TRIM44: variants seen among roughly 807,000 people sequenced by gnomAD.
TRIM44 encodes the protein tripartite motif-containing protein 44.
In TRIM44, 13 loss-of-function variants were observed where a neutral mutation model predicts 37.4. That is an observed-to-expected ratio of 0.35 (90% CI 0.23 to 0.55). TRIM44 has a LOEUF of 0.55. Among genes scored for constraint, TRIM44 ranks in the 20% least tolerant of loss-of-function variants. TRIM44 has a pLI of 0.89. For synonymous variants in TRIM44, 175 were observed against 157.2 expected (o/e 1.11, Z -0.85); for missense variants, 426 against 437.2 (o/e 0.97, Z 0.23).
intron 1 of TRIM44, among the ~76,000 whole-genome samples, chr11:35,673,229 T>A (rs1851419630): frequency 1.3e-5 from 2 of 152,176 alleles, no homozygotes; most frequent in African/African-American, 4.8e-5. Flanking sequence ...TTTGATAAGA[T>A]GTGTTATAGA....
chr11:35,751,879 G>A (rs1278780656), intron 4 of TRIM44, among the ~76,000 whole-genome samples: 1 of 152,162 alleles, frequency 6.6e-6, no homozygotes, highest in African/African-American at 2.4e-5. Context: ...AATCCTGAGA[G>A]GTGGTTTTGC....
At chr11:35,665,586 G>GTTTTTTTTT (rs35522287) in intron 1 of TRIM44, among the ~76,000 whole-genome samples, 2 of 71,512 alleles carry the variant, frequency 2.8e-5, no homozygotes, top group African/African-American at 5.7e-5. Context: ...TTATATATCT[G>GTTTTTTTTT]TTTTTTTTTT....
intron 4 of TRIM44, among the ~76,000 whole-genome samples, chr11:35,741,767 G>A (rs1852399730): frequency 6.6e-6 from 1 of 152,272 alleles, no homozygotes; most frequent in East Asian, 1.9e-4. Flanking sequence ...AACAAAGATT[G>A]CAGAGGAATT....
At chr11:35,719,805 A>G (rs374811452) in intron 2 of TRIM44, among the ~76,000 whole-genome samples, 32 of 152,280 alleles carry the variant, frequency 2.1e-4, no homozygotes, top group African/African-American at 6.5e-4. Context: ...GTTCACAACT[A>G]TCTTTTCTCT....
intron 4 of TRIM44, among the ~76,000 whole-genome samples, chr11:35,783,353 G>A (rs952218512): frequency 6.6e-6 from 1 of 152,104 alleles, no homozygotes; most frequent in Non-Finnish European, 1.5e-5. Flanking sequence ...CCTCACTGAT[G>A]TTGCCCAGAG....
rs546307936 is a variant in TRIM44 at position 35,729,255 on chromosome 11, C to T, written c.987+3092C>T. ...CACTGCTCCTCAACCCCAATTGGCA[C>T]GCAGCAGTGGAGCCAGTGAGTGAAA... is the stretch of plus-strand genomic sequence containing the variant. On this transcript the variant is annotated intron_variant, in intron 3 of 4. Coordinates refer to ENST00000299413, the MANE Select transcript of TRIM44 (RefSeq NM_017583.6). 5.3e-5 allele frequency among the ~76,000 whole-genome samples: 8 copies of T among 152,214 alleles called. No homozygotes were observed. In the East Asian group the frequency reaches 5.8e-4, roughly 11 times the overall value.
intron 1 of TRIM44, among the ~76,000 whole-genome samples, chr11:35,683,459 T>A (rs918797607): frequency 6.6e-6 from 1 of 152,174 alleles, no homozygotes; most frequent in South Asian, 2.1e-4. Context: ...ATTTATATAG[T>A]GGAATCTTAT....
intron 4 of TRIM44, among the ~76,000 whole-genome samples, chr11:35,765,564 A>G (rs777574821): frequency 3.3e-5 from 5 of 152,314 alleles, no homozygotes; most frequent in African/African-American, 4.8e-5. Flanking sequence ...ACTATGGTTA[A>G]GGGGAAAGTG....
At chr11:35,736,796 AC>A (rs765682145) in intron 4 of TRIM44, among the ~76,000 whole-genome samples, 11 of 152,182 alleles carry the variant, frequency 7.2e-5, no homozygotes, top group Non-Finnish European at 1.3e-4. Context: ...CCATCTTTCA[AC>A]CATTCTCAGG....
At chr11:35,789,609 T>C (rs1853176324) in intron 4 of TRIM44, among the ~76,000 whole-genome samples, 1 of 152,212 alleles carries the variant, frequency 6.6e-6, no homozygotes, top group Admixed American at 6.5e-5. Flanking sequence ...GCACTCCTGC[T>C]CCTCTTAGCC....
chr11:35,784,604 A>G (rs889325036), intron 4 of TRIM44, among the ~76,000 whole-genome samples: 7 of 152,234 alleles, frequency 4.6e-5, no homozygotes, highest in African/African-American at 1.7e-4. Context: ...GTGTGTATTT[A>G]TGTATGTATA....
rs138329609 is a variant in TRIM44 at position 35,795,168 on chromosome 11, G to A, written c.1008-11190G>A. On this transcript the variant is annotated intron_variant, in intron 4 of 4. Coordinates refer to ENST00000299413, the MANE Select transcript of TRIM44 (RefSeq NM_017583.6). ...AGAAAGCCAGCGTGGCTGGAAGGTG[G>A]CATGAATCAGGCTGGAAAGGGAGAG... Among the ~76,000 whole-genome samples, 78 of 152,228 alleles carry A rather than the reference G, an allele frequency of 5.1e-4. 1 individual carries two copies. The East Asian group carries it at 0.011, about 21-fold the overall frequency.
chr11:35,719,590 C>G (rs1478935416), intron 2 of TRIM44, among the ~76,000 whole-genome samples: 5 of 152,068 alleles, frequency 3.3e-5, no homozygotes, highest in Non-Finnish European at 7.4e-5. Flanking sequence ...TGGGTACTAA[C>G]ATTGATGTTA....
intron 4 of TRIM44, among the ~76,000 whole-genome samples, chr11:35,798,725 CATG>C (rs1853327100): frequency 6.6e-6 from 1 of 152,134 alleles, no homozygotes; most frequent in Non-Finnish European, 1.5e-5. Flanking sequence ...ACAAATCAAT[CATG>C]ATCATAATCT....
intron 4 of TRIM44, among the ~76,000 whole-genome samples, chr11:35,778,235 C>A (rs1235096021): frequency 6.6e-6 from 1 of 152,142 alleles, no homozygotes; most frequent in Non-Finnish European, 1.5e-5. Flanking sequence ...CCCTTTCTTC[C>A]ACTTGATCAA....
intron 2 of TRIM44, among the ~76,000 whole-genome samples, chr11:35,698,034 C>T (rs1371718673): frequency 1.3e-5 from 2 of 151,468 alleles, no homozygotes; most frequent in Non-Finnish European, 2.9e-5. Flanking sequence ...ACCACACTGA[C>T]TTCCACAGTG....
At chr11:35,742,211 G>A (rs1852406088) in intron 4 of TRIM44, among the ~76,000 whole-genome samples, 1 of 151,788 alleles carries the variant, frequency 6.6e-6, no homozygotes, top group Admixed American at 6.6e-5. Flanking sequence ...CCAAAGTGCT[G>A]AGAATACAGG....
At chr11:35,741,169 T>C (rs1289315686) in intron 4 of TRIM44, among the ~76,000 whole-genome samples, 2 of 152,182 alleles carry the variant, frequency 1.3e-5, no homozygotes, top group Non-Finnish European at 2.9e-5. Context: ...GGACTGCTTA[T>C]TATGCAAAGT....
chr11:35,785,908 A>G (rs1853126016), intron 4 of TRIM44, among the ~76,000 whole-genome samples: 2 of 152,234 alleles, frequency 1.3e-5, no homozygotes, highest in African/African-American at 4.8e-5. Context: ...ATTGAAACCC[A>G]TGAGAGAGAA....
Sources: gnomAD v4.1 joint callset for allele counts (sites outside exome capture counted in the v4.1 genomes callset) on GRCh38, gnomAD v4.1.1 for gene constraint, MANE v1.5 for transcripts, NCBI Gene and HGNC (gene_info 2026-07-23, HGNC 2026-07-21) for gene names.